TTC28: variants seen among roughly 807,000 people sequenced by gnomAD.
TTC28 encodes the protein tetratricopeptide repeat protein 28.
TTC28 carries 61 observed loss-of-function variants against 198.0 expected under a neutral mutation model. The ratio of observed to expected loss-of-function variants is 0.31; its 90% confidence interval spans 0.25 to 0.38. The LOEUF (loss-of-function observed/expected upper bound fraction) is 0.38, where lower values mean the gene tolerates loss of function less well. TTC28 is among the 10% of genes least tolerant of loss of function. The pLI, the probability that TTC28 is intolerant of heterozygous loss-of-function variation, is 1.00. For missense variants in TTC28, 2,678 were observed against 3,164.0 expected, an observed-to-expected ratio of 0.85 and a Z score of 3.69; for synonymous variants, 1,171 against 1,297.8, an observed-to-expected ratio of 0.90 and a Z score of 2.10.
chr22:28,501,717 C>T (rs1339438630), intron 2 of TTC28, among the ~76,000 whole-genome samples: 2 of 152,034 alleles, frequency 1.3e-5, no homozygotes, highest in Non-Finnish European at 2.9e-5. Flanking sequence ...GAATAAACAC[C>T]TAAGTAGTTC....
rs1475887385 is a variant in TTC28, at chr22:27,996,163, C to T, written c.5216G>A (p.Arg1739Gln). Residue 1739 changes from arginine (R) to glutamine (Q), a missense_variant, in exon 17 of 23, where the codon CGG (arginine) becomes CAG (glutamine). By Grantham distance (43) the Arg-to-Gln change is conservative. Around this residue, in one of 8 missense-constraint regions of TTC28, gnomAD observed 314 missense variants for 442.7 expected, o/e 0.71. Transcript: ENST00000397906. Reference protein sequence around the residue: ...TEILQHPERARDALRVLLHLV... With the variant: ...TEILQHPERAQDALRVLLHLV... Reference sequence around the variant, plus strand: ...GTGCAGCAGCACTCGCAGGGCGTCCCGCGCACGCTCCGGGTGCTGCAGGAT... The same window carrying T: ...GTGCAGCAGCACTCGCAGGGCGTCCTGCGCACGCTCCGGGTGCTGCAGGAT... 6 of 1,550,714 alleles carry T rather than the reference C, an allele frequency of 3.9e-6. No homozygotes were observed. Among genetic ancestry groups the T allele is most frequent in the African/African-American group, 2.7e-5 (2 of 73,066 alleles).
chr22:28,546,555 C>G (rs1191871718), intron 2 of TTC28, among the ~76,000 whole-genome samples: 1 of 152,174 alleles, frequency 6.6e-6, no homozygotes, highest in African/African-American at 2.4e-5. Flanking sequence ...GGTACAAACA[C>G]TATGGCAAAC....
At chr22:28,268,737 G>C (rs977094601) in intron 5 of TTC28, among the ~76,000 whole-genome samples, 1 of 152,080 alleles carries the variant, frequency 6.6e-6, no homozygotes, top group Non-Finnish European at 1.5e-5. Context: ...AGAGAATTAG[G>C]TTTTTGGTTG....
At chr22:28,673,863 G>C (rs1227542603) in intron 1 of TTC28, among the ~76,000 whole-genome samples, 2 of 152,076 alleles carry the variant, frequency 1.3e-5, no homozygotes, top group Non-Finnish European at 2.9e-5. Context: ...CAAAATAAAT[G>C]TTCTACCAAG....
intron 2 of TTC28, among the ~76,000 whole-genome samples, chr22:28,319,381 A>G (rs969030084): frequency 6.6e-6 from 1 of 152,212 alleles, no homozygotes; most frequent in Non-Finnish European, 1.5e-5. Context: ...GTCAGAAGAG[A>G]GGGACTATTC....
Position 27,999,381 on chromosome 22 carries a change from T to G in TTC28, c.4399-121A>C, listed in dbSNP as rs749178000. The G allele has an allele frequency of 8.7e-6, 12 of 1,373,560 alleles. No homozygotes were observed. In the African/African-American group the frequency reaches 1.6e-4, roughly 18 times the overall value. 85.1% of individuals were successfully genotyped at this position (1,373,560 alleles called of 1,614,324 possible). Reference sequence around the variant, plus strand: ...CTGGTTGAGCTTGAATCCACCTGTTTCCCCAGTCACCACATTCACTCTTAT... The same window carrying G: ...CTGGTTGAGCTTGAATCCACCTGTTGCCCCAGTCACCACATTCACTCTTAT... On this transcript the variant is annotated intron_variant, in intron 15 of 22. Coordinates refer to ENST00000397906, the MANE Select transcript of TTC28 (RefSeq NM_001145418.2).
chr22:28,159,949 C>T (rs919593801), intron 6 of TTC28, among the ~76,000 whole-genome samples: 1 of 152,096 alleles, frequency 6.6e-6, no homozygotes, highest in Admixed American at 6.5e-5. Context: ...TGAAATAAGC[C>T]AAGCACAATC....
chr22:28,131,051 A>G (rs1943049458), intron 6 of TTC28, among the ~76,000 whole-genome samples: 1 of 152,252 alleles, frequency 6.6e-6, no homozygotes, highest in Non-Finnish European at 1.5e-5. Context: ...TAGCCAGGGT[A>G]GCCAGCAAAT....
rs16985976 is a variant in TTC28, at chr22:28,094,369, C to A, written c.3767-124G>T. On this transcript the variant is annotated intron_variant, in intron 11 of 22. Transcript: ENST00000397906. ...TTTGACAAGCATGCCATCCTGCAAA[C>A]CCTGTCAAAAAATCCTGAAATCCAA... 82,860 of 1,124,200 alleles carry A rather than the reference C, an allele frequency of 0.074. 3,433 individuals carry two copies. The highest frequency in any genetic ancestry group is 0.087 in the South Asian group (4,004 of 45,854). 69.6% of individuals were successfully genotyped at this position (1,124,200 alleles called of 1,614,324 possible).
chr22:28,515,689 C>T (rs1406910477), intron 2 of TTC28, among the ~76,000 whole-genome samples: 2 of 147,664 alleles, frequency 1.4e-5, no homozygotes, highest in East Asian at 1.9e-4. Context: ...TACCAGCTAG[C>T]CACTATACAT....
intron 2 of TTC28, among the ~76,000 whole-genome samples, chr22:28,358,770 T>C (rs1216535500): frequency 6.6e-6 from 1 of 152,176 alleles, no homozygotes; most frequent in Non-Finnish European, 1.5e-5. Context: ...ATGTGTCCAC[T>C]GGTCTATAAT....
intron 2 of TTC28, among the ~76,000 whole-genome samples, chr22:28,406,324 G>C (rs182415051): frequency 6.6e-6 from 1 of 152,158 alleles, no homozygotes; most frequent in Non-Finnish European, 1.5e-5. Context: ...TCTTATTAAC[G>C]AGACTAGAAT....
intron 6 of TTC28, among the ~76,000 whole-genome samples, chr22:28,131,991 TA>T (rs1396452120): frequency 6.6e-6 from 1 of 152,220 alleles, no homozygotes; most frequent in Non-Finnish European, 1.5e-5. Flanking sequence ...TTCAGAAATT[TA>T]AGGCCATTAT....
intron 2 of TTC28, among the ~76,000 whole-genome samples, chr22:28,494,388 A>G (rs949659930): frequency 6.6e-6 from 1 of 152,292 alleles, no homozygotes; most frequent in African/African-American, 2.4e-5. Flanking sequence ...AAATGGTCAT[A>G]GTCTAGGCCA....
At position 28,355,009 on chromosome 22, in the gene TTC28, A is replaced by T. The variant is rs552040114; in HGVS notation, c.382-48366T>A. ...CCACTTTACTACCACAAATATGGGT[A>T]TAGGTACTTAAAAACACAGGATCTC... On this transcript the variant is annotated intron_variant, in intron 2 of 22. Coordinates refer to ENST00000397906, the MANE Select transcript of TTC28 (RefSeq NM_001145418.2). Among the ~76,000 whole-genome samples the T allele has an allele frequency of 4.6e-5, 6 of 130,870 alleles. 1 individual carries two copies. In the South Asian group the frequency reaches 1.4e-3, roughly 32 times the overall value. The allele number at this position is 130,870 out of a possible 152,430, so 85.9% of individuals were successfully genotyped here. A position where few individuals can be genotyped will look rare whatever the true frequency, so the allele number is the denominator to read the frequency against.
chr22:28,454,853 C>T (rs2047834794), intron 2 of TTC28, among the ~76,000 whole-genome samples: 1 of 152,234 alleles, frequency 6.6e-6, no homozygotes, highest in African/African-American at 2.4e-5. Context: ...AAGCTCAGAG[C>T]TGCCAAACTG....
chr22:28,408,915 A>G (rs967185122), intron 2 of TTC28, among the ~76,000 whole-genome samples: 2 of 152,348 alleles, frequency 1.3e-5, no homozygotes, highest in African/African-American at 2.4e-5. Flanking sequence ...AGGCAACAGT[A>G]TATCTTGCAT....
At chr22:28,111,966 A>G (rs1942492192) in intron 6 of TTC28, among the ~76,000 whole-genome samples, 1 of 152,174 alleles carries the variant, frequency 6.6e-6, no homozygotes, top group Admixed American at 6.5e-5. Context: ...GCTAAGCATT[A>G]GAAAGGCACA....
intron 2 of TTC28, among the ~76,000 whole-genome samples, chr22:28,399,015 C>CA (rs374137352): frequency 5.3e-4 from 71 of 135,214 alleles, no homozygotes; most frequent in African/African-American, 1.7e-3. Context: ...GTTATTTTGC[C>CA]TTTTTTTTTT....
Sources: allele counts gnomAD v4.1 joint callset (sites outside exome capture counted in the v4.1 genomes callset), GRCh38; gene constraint gnomAD v4.1.1; regional missense constraint gnomAD v4.1.1; transcripts MANE v1.5; gene names NCBI Gene and HGNC (gene_info 2026-07-23, HGNC 2026-07-21).